DPP6: variants seen among roughly 807,000 people sequenced by gnomAD.
DPP6 encodes the protein A-type potassium channel modulatory protein DPP6.
A neutral mutation model predicts 122.6 loss-of-function variants in DPP6; 69 were observed. That is an observed-to-expected ratio of 0.56 (90% CI 0.46 to 0.69). The LOEUF (loss-of-function observed/expected upper bound fraction) is 0.69. Ranked by LOEUF, DPP6 falls within the 30% of genes least tolerant of loss-of-function variation. The probability of loss-of-function intolerance (pLI) is 0.00; values close to 1 mark genes in which losing one functional copy is unlikely to be tolerated. For synonymous variants in DPP6, 418 were observed against 433.1 expected (o/e 0.97, Z 0.43); for missense variants, 928 against 1,116.9 (o/e 0.83, Z 2.41).
At chr7:154,284,742 C>T (rs1804742966) in intron 1 of DPP6, among the ~76,000 whole-genome samples, 1 of 152,212 alleles carries the variant, frequency 6.6e-6, no homozygotes, top group Admixed American at 6.5e-5. Flanking sequence ...GTAACCCCAG[C>T]TACTTGGGAG....
rs373378162 is a variant in DPP6, at chr7:154,023,318, G to GCACGCGCACGCACACACA, written c.51+135587_51+135588insGCGCACGCACACACACAC. 2.6e-3 allele frequency among the ~76,000 whole-genome samples: 334 copies of GCACGCGCACGCACACACA among 129,608 alleles called. 1 individual carries two copies. The highest frequency in any genetic ancestry group is 0.01 in the African/African-American group (320 of 31,168). 85.0% of individuals were successfully genotyped at this position (129,608 alleles called of 152,430 possible). On this transcript the variant is annotated intron_variant, in intron 1 of 25. Coordinates refer to the DPP6 transcript ENST00000404039. The stretch of plus-strand genomic sequence containing the variant: ...CAGGCTCTGGAAATGTTTCTTGTCT[G>GCACGCGCACGCACACACA]CACACACACACACACACACACACAC...
chr7:154,418,786 AC>A (rs1563636518), intron 1 of DPP6, among the ~76,000 whole-genome samples: 1 of 152,170 alleles, frequency 6.6e-6, no homozygotes, highest in Non-Finnish European at 1.5e-5. Context: ...GAGATTGAGA[AC>A]CCATCAAACA....
chr7:154,539,957 C>T (rs760145983), intron 3 of DPP6, among the ~76,000 whole-genome samples: 1 of 151,916 alleles, frequency 6.6e-6, no homozygotes, highest in South Asian at 2.1e-4. Context: ...TTTGAGTAAG[C>T]GTTTTTACTA....
In DPP6 at chr7:154,266,774, G is replaced by A. The variant is rs184140384; in HGVS notation, c.244-179440G>A. Reference sequence around the variant, plus strand: ...TCTCAAAGTGTATCTGAGGACCCTGGGGGTACCCAGCACCTTTCTTAGGAC... The same window carrying A: ...TCTCAAAGTGTATCTGAGGACCCTGAGGGTACCCAGCACCTTTCTTAGGAC... On this transcript the variant is annotated intron_variant, in intron 1 of 25. Coordinates refer to ENST00000377770, the MANE Select transcript of DPP6 (RefSeq NM_130797.4). 2.1e-3 allele frequency among the ~76,000 whole-genome samples: 317 copies of A among 152,184 alleles called. 3 individuals are homozygous for A. The highest frequency in any genetic ancestry group is 3.9e-3 in the East Asian group (20 of 5,182).
chr7:154,653,073 G>T (rs1482891830), intron 6 of DPP6, among the ~76,000 whole-genome samples: 1 of 152,162 alleles, frequency 6.6e-6, no homozygotes, highest in Non-Finnish European at 1.5e-5. Flanking sequence ...AAAGAAATAA[G>T]ATTTCCTCTT....
upstream of DPP6, chr7:154,052,319 G>T (rs1800400259): frequency 6.5e-6 from 1 of 153,202 alleles, no homozygotes; most frequent in East Asian, 2.0e-4. This position sits in a 1 kb window ranked among gnomAD's most constrained non-coding sequence, Gnocchi z 4.8. Flanking sequence ...GAGGAGGCCG[G>T]TGGGGAAGGG....
chr7:154,639,203 G>A (rs1303375076), intron 6 of DPP6, among the ~76,000 whole-genome samples: 2 of 152,192 alleles, frequency 1.3e-5, no homozygotes, highest in South Asian at 2.1e-4. Context: ...AAGGGAAGAC[G>A]CATGTGGATC....
At chr7:153,939,485 A>C (rs1264693459) in intron 1 of DPP6, among the ~76,000 whole-genome samples, 1 of 152,216 alleles carries the variant, frequency 6.6e-6, no homozygotes, top group African/African-American at 2.4e-5. Flanking sequence ...AATTAGTCTT[A>C]AATTATAGTT....
chr7:154,880,403 T>C (rs934013278), intron 20 of DPP6, among the ~76,000 whole-genome samples: 2 of 152,172 alleles, frequency 1.3e-5, no homozygotes, highest in African/African-American at 4.8e-5. Flanking sequence ...CTCCCAGGAA[T>C]TGGGAACAGA....
intron 1 of DPP6, among the ~76,000 whole-genome samples, chr7:154,387,617 G>C (rs1814230773): frequency 6.6e-6 from 1 of 152,108 alleles, no homozygotes. Flanking sequence ...TTTCTCATAT[G>C]AGTGAAGCTG....
At chr7:154,586,135 C>G (rs532311258) in intron 5 of DPP6, among the ~76,000 whole-genome samples, 1 of 151,918 alleles carries the variant, frequency 6.6e-6, no homozygotes, top group Non-Finnish European at 1.5e-5. Context: ...TCGTTGCCAC[C>G]GTCTTGGAGG....
chr7:154,448,098 C>G (rs1048916299), intron 2 of DPP6, among the ~76,000 whole-genome samples: 2 of 151,998 alleles, frequency 1.3e-5, no homozygotes, highest in Non-Finnish European at 2.9e-5. Context: ...AAAACAAAAA[C>G]AAAAACAAGG....
At chr7:154,465,924 A>T (rs908389946) in intron 2 of DPP6, among the ~76,000 whole-genome samples, 1 of 152,242 alleles carries the variant, frequency 6.6e-6, no homozygotes, top group African/African-American at 2.4e-5. Flanking sequence ...TTATTGCAGG[A>T]CTATTCACAA....
At chr7:154,749,374 T>C (rs1205432858) in intron 8 of DPP6, among the ~76,000 whole-genome samples, 2 of 78,812 alleles carry the variant, frequency 2.5e-5, no homozygotes, top group African/African-American at 1.0e-4. Flanking sequence ...GGTGAGAGCA[T>C]AGGACGAGAG....
chr7:154,293,775 A>G (rs1408610320), intron 1 of DPP6, among the ~76,000 whole-genome samples: 1 of 152,190 alleles, frequency 6.6e-6, no homozygotes, highest in African/African-American at 2.4e-5. Flanking sequence ...CCTAAAATGA[A>G]TGAACTGGTT....
At chr7:153,807,196 T>A in the DPP6 span, among the ~76,000 whole-genome samples, 1 of 151,896 alleles carries the variant, frequency 6.6e-6, no homozygotes, top group East Asian at 1.9e-4. Flanking sequence ...GCACATCACC[T>A]GAGGTCAGGA....
chr7:154,669,394 A>C lies in DPP6; in HGVS notation c.715A>C (p.Asn239His), dbSNP rs1354168998. 1 of 1,556,912 alleles carries C rather than the reference A, an allele frequency of 6.4e-7. No homozygotes were observed. Among genetic ancestry groups the C allele is most frequent in the Admixed American group, 1.9e-5 (1 of 51,606 alleles). ...AAGTCTGGACCCACCAGAAGTCAGC[A>C]ATGCAAAACTTCAGTATGCAGGATG... ...PQSLDPPEVS[N>H]AKLQYAGWGP... Residue 239 changes from asparagine to histidine, a missense_variant, in exon 7 of 26, where the codon AAT becomes CAT. Transcript: ENST00000377770.
intron 1 of DPP6, among the ~76,000 whole-genome samples, chr7:154,042,504 G>T (rs7810377): frequency 6.6e-6 from 1 of 152,016 alleles, no homozygotes; most frequent in Non-Finnish European, 1.5e-5. Context: ...CTCAGTGTTC[G>T]GTGCAGTACA....
intron 1 of DPP6, among the ~76,000 whole-genome samples, chr7:154,433,794 A>G (rs1360172230): frequency 6.6e-6 from 1 of 152,228 alleles, no homozygotes; most frequent in Non-Finnish European, 1.5e-5. Context: ...TTTTCTCCAG[A>G]TAAGTACACT....
Sources: gnomAD v4.1 joint callset for allele counts (sites outside exome capture counted in the v4.1 genomes callset) on GRCh38, gnomAD v4.1.1 for gene constraint, Gnocchi (gnomAD v3.1) non-coding constraint, MANE v1.5 for transcripts, NCBI Gene and HGNC (gene_info 2026-07-23, HGNC 2026-07-21) for gene names.